The following ULK2 variants were observed in gnomAD, a reference collection of about 807,000 sequenced individuals.
ULK2 encodes the protein serine/threonine-protein kinase ULK2.
ULK2 carries 76 observed loss-of-function variants against 127.5 expected under a neutral mutation model. That is an observed-to-expected ratio of 0.60 (90% CI 0.50 to 0.72). The LOEUF (loss-of-function observed/expected upper bound fraction) is 0.72, where lower values mean the gene tolerates loss of function less well. Ranked by LOEUF, ULK2 falls within the 30% of genes least tolerant of loss-of-function variation. The pLI is 0.00. For missense variants in ULK2, 1,144 were observed against 1,295.9 expected (o/e 0.88, Z 1.80); for synonymous variants, 452 against 461.9 (o/e 0.98, Z 0.28).
chr17:19,794,117 G>C (rs192500902), intron 20 of ULK2, among the ~76,000 whole-genome samples: 2 of 152,132 alleles, frequency 1.3e-5, no homozygotes, highest in African/African-American at 4.8e-5. Flanking sequence ...GCCAAGGAAA[G>C]AATCAGTGAG....
At chr17:19,838,805 A>T (rs1324326884) in intron 9 of ULK2, among the ~76,000 whole-genome samples, 1 of 152,060 alleles carries the variant, frequency 6.6e-6, no homozygotes. Flanking sequence ...AGACAGGTGG[A>T]TCATGAGGTC....
At position 19,776,380 on chromosome 17, in the gene ULK2, G is replaced by A. The variant is rs141459584; in HGVS notation, c.3080C>T (p.Ser1027Leu). ...GGTTGCGGTGCTATGGCAGAGCGCC[G>A]ACAGTCTTCTCTCAATACTACATTT... ...KYKCSIERRL[S>L]ALCHSTATV Residue 1027 changes from serine (S) to leucine (L), a missense_variant, in exon 27 of 27, where the codon TCG (serine) becomes TTG (leucine). Around this residue, in one of 2 missense-constraint regions of ULK2, gnomAD observed 913 missense variants for 970.5 expected, o/e 0.94. Transcript: ENST00000395544. 8.1e-5 allele frequency: 130 copies of A among 1,604,412 alleles called. No individual in the cohort carries two copies. The highest frequency in any genetic ancestry group is 6.8e-4 in the African/African-American group (51 of 74,700).
intron 14 of ULK2, among the ~76,000 whole-genome samples, chr17:19,807,757 G>C (rs1567691328): frequency 6.6e-6 from 1 of 152,156 alleles, no homozygotes; most frequent in African/African-American, 2.4e-5. Flanking sequence ...AAACAAGATT[G>C]TACAAGATTT....
intron 20 of ULK2, among the ~76,000 whole-genome samples, chr17:19,795,326 C>T (rs1186082954): frequency 1.6e-5 from 2 of 121,916 alleles, no homozygotes; most frequent in South Asian, 2.7e-4. Context: ...AGGCCAACTT[C>T]GACCAGTATT....
chr17:19,867,423 C>G lies in ULK2; in HGVS notation c.-6G>C. ...AAGTCACCCACCACCTCCATGGCCG[C>G]GCCCCCGGGGCACACAGCGGACGGG... On this transcript the variant is annotated 5_prime_UTR_variant, in exon 1 of 27. Transcript: ENST00000395544. 5 of 1,588,974 alleles carry G rather than the reference C, an allele frequency of 3.1e-6. No homozygotes were observed. Among genetic ancestry groups the G allele is most frequent in the Non-Finnish European group, 4.3e-6 (5 of 1,169,918 alleles).
intron 22 of ULK2, among the ~76,000 whole-genome samples, chr17:19,782,539 TCTAA>T (rs777702627): frequency 5.3e-5 from 8 of 152,230 alleles, no homozygotes; most frequent in Admixed American, 2.6e-4. Flanking sequence ...ATACCAAAGC[TCTAA>T]CTTTCTGTGA....
chr17:19,835,650 G>A (rs1175877320), intron 10 of ULK2, among the ~76,000 whole-genome samples: 2 of 150,948 alleles, frequency 1.3e-5, no homozygotes, highest in African/African-American at 4.9e-5. Context: ...CCAGGAGGCA[G>A]AGCTTGCAGT....
At chr17:19,800,235 G>C (rs577214928) in intron 16 of ULK2, among the ~76,000 whole-genome samples, 1 of 152,258 alleles carries the variant, frequency 6.6e-6, no homozygotes, top group Admixed American at 6.5e-5. Flanking sequence ...ATTCTTCACA[G>C]AAGTTTCCCC....
chr17:19,859,544 C>T (rs2042200635), intron 3 of ULK2, among the ~76,000 whole-genome samples: 2 of 152,130 alleles, frequency 1.3e-5, no homozygotes, highest in African/African-American at 4.8e-5. Flanking sequence ...ATATCTTTGA[C>T]CAAGCAATTC....
At chr17:19,797,832 C>A (rs2087308339) in intron 17 of ULK2, 150 bp from the exon 18 acceptor site, 1 of 804,488 alleles carries the variant, frequency 1.2e-6, no homozygotes, top group African/African-American at 1.8e-5. Context: ...TGGCAAGAGA[C>A]TATTTTTCTG....
At chr17:19,845,210 A>T in intron 7 of ULK2, 94 bp downstream of exon 7, 1 of 1,119,982 alleles carries the variant, frequency 8.9e-7, no homozygotes, top group Admixed American at 1.9e-5. Context: ...ACTATATGTA[A>T]AATCACATCT....
chr17:19,795,512 T>C lies in ULK2; in HGVS notation c.2101+110A>G, dbSNP rs952543457. 9.9e-6 allele frequency: 9 copies of C among 904,948 alleles called. No homozygotes were observed. The African/African-American group carries it at 1.3e-4, about 13-fold the overall frequency. 56.1% of individuals were successfully genotyped at this position (904,948 alleles called of 1,614,324 possible). ...CATCCAGAACTATGAAATAATACAT[T>C]TGTGTTGTTTTATGCCACCAAGCAT... On this transcript the variant is annotated intron_variant, in intron 20 of 26. Transcript: ENST00000395544.
intron 13 of ULK2, among the ~76,000 whole-genome samples, chr17:19,814,214 T>A (rs1390672466): frequency 6.6e-6 from 1 of 151,190 alleles, no homozygotes; most frequent in African/African-American, 2.4e-5. Flanking sequence ...TCTACAAAAA[T>A]GAGTTACAGG....
chr17:19,789,605 G>A (rs1393864113), intron 20 of ULK2, among the ~76,000 whole-genome samples: 1 of 152,136 alleles, frequency 6.6e-6, no homozygotes, highest in Non-Finnish European at 1.5e-5. Flanking sequence ...CTTTCAGACA[G>A]AGAATTCAAA....
At chr17:19,864,935 C>T (rs1226496279) in intron 2 of ULK2, 91 bp from the exon 3 acceptor site, 7 of 486,546 alleles carry the variant, frequency 1.4e-5, no homozygotes, top group Admixed American at 4.1e-5. Flanking sequence ...TATACACATA[C>T]ACTTCTAGTA....
At chr17:19,779,849 T>A (rs911843079) in intron 25 of ULK2, among the ~76,000 whole-genome samples, 2 of 152,054 alleles carry the variant, frequency 1.3e-5, no homozygotes, top group African/African-American at 2.4e-5. Flanking sequence ...CAGAAACAGA[T>A]CCTGCTAATG....
intron 13 of ULK2, chr17:19,810,809 T>C (rs1023069102): frequency 6.0e-6 from 1 of 167,422 alleles, no homozygotes; most frequent in Non-Finnish European, 1.3e-5. Flanking sequence ...TAATACTATT[T>C]GCACATAACT....
intron 13 of ULK2, among the ~76,000 whole-genome samples, chr17:19,814,438 A>AT (rs1187090319): frequency 3.9e-4 from 9 of 23,330 alleles, no homozygotes; most frequent in African/African-American, 1.3e-3. Context: ...ATATATATAT[A>AT]TTTTTTTTTT....
At chr17:19,799,074 T>C (rs1490018935) in intron 17 of ULK2, among the ~76,000 whole-genome samples, 1 of 151,804 alleles carries the variant, frequency 6.6e-6, no homozygotes, top group Non-Finnish European at 1.5e-5. Flanking sequence ...GGCAGAAGAA[T>C]TGCTTGAGCC....
Sources: allele counts gnomAD v4.1 joint callset (sites outside exome capture counted in the v4.1 genomes callset), GRCh38; gene constraint gnomAD v4.1.1; regional missense constraint gnomAD v4.1.1; transcripts MANE v1.5; gene names NCBI Gene and HGNC (gene_info 2026-07-23, HGNC 2026-07-21).